The following CDH8 variants were observed in gnomAD, a reference collection of about 807,000 sequenced individuals.
CDH8 encodes cadherin 8, also known as cadherin-8.
CDH8 carries 17 observed loss-of-function variants against 68.1 expected under a neutral mutation model. The ratio of observed to expected loss-of-function variants is 0.25; its 90% CI spans 0.17 to 0.37. CDH8 has a LOEUF of 0.37. Ranked by LOEUF, CDH8 falls within the 10% of genes least tolerant of loss-of-function variation. The pLI is 1.00. For synonymous variants in CDH8, 372 were observed against 365.1 expected, an observed-to-expected ratio of 1.02 and a Z score of -0.21; for missense variants, 763 against 999.3, an observed-to-expected ratio of 0.76 and a Z score of 3.19.
At chr16:61,985,890 A>G (rs1166205071) in intron 2 of CDH8, among the ~76,000 whole-genome samples, 1 of 150,100 alleles carries the variant, frequency 6.7e-6, no homozygotes, top group African/African-American at 2.5e-5. Flanking sequence ...ATACATACAT[A>G]ATATCTGTAT....
At chr16:61,682,568 C>G (rs1964033013) in intron 10 of CDH8, among the ~76,000 whole-genome samples, 1 of 151,800 alleles carries the variant, frequency 6.6e-6, no homozygotes, top group African/African-American at 2.4e-5. Context: ...TATAGTATCT[C>G]CAATTAAATT....
chr16:61,835,872 G>C (rs115190464), intron 4 of CDH8, among the ~76,000 whole-genome samples: 1 of 151,980 alleles, frequency 6.6e-6, no homozygotes, highest in Non-Finnish European at 1.5e-5. Flanking sequence ...GAGAGAATGG[G>C]GCACTGGCCT....
intron 3 of CDH8, among the ~76,000 whole-genome samples, chr16:61,876,669 T>C (rs1963467020): frequency 6.6e-6 from 1 of 152,124 alleles, no homozygotes; most frequent in Non-Finnish European, 1.5e-5. Flanking sequence ...ATACTGACTA[T>C]ACAAAAGAAT....
At chr16:61,842,959 G>T (rs1962719891) in intron 4 of CDH8, among the ~76,000 whole-genome samples, 1 of 152,066 alleles carries the variant, frequency 6.6e-6, no homozygotes, top group Non-Finnish European at 1.5e-5. Flanking sequence ...GTGGAAAACA[G>T]CCCTTTGTCA....
intron 3 of CDH8, among the ~76,000 whole-genome samples, chr16:61,869,277 C>G (rs1416092453): frequency 1.3e-5 from 2 of 152,024 alleles, no homozygotes; most frequent in Non-Finnish European, 2.9e-5. Flanking sequence ...TCACAGCCTA[C>G]CAGGGAGAGG....
At chr16:61,919,789 C>A (rs1281405186) in intron 2 of CDH8, among the ~76,000 whole-genome samples, 1 of 151,972 alleles carries the variant, frequency 6.6e-6, no homozygotes, top group Non-Finnish European at 1.5e-5. Context: ...GGCAGGCCAA[C>A]GAACAAAGAA....
rs192218478 is a variant in CDH8, at chr16:61,928,742, C to A, written c.253-27269G>T. 1.1e-3 allele frequency among the ~76,000 whole-genome samples: 165 copies of A among 152,296 alleles called. 1 individual carries two copies. Among genetic ancestry groups the A allele is most frequent in the African/African-American group, 3.9e-3 (163 of 41,546 alleles). Reference sequence around the variant, plus strand: ...ATAGGTGCTGTTGTATAAGCCGTCTCATCAAAATATCCTTTGTCTGTCTAC... The same window carrying A: ...ATAGGTGCTGTTGTATAAGCCGTCTAATCAAAATATCCTTTGTCTGTCTAC... On this transcript the variant is annotated intron_variant, in intron 2 of 11. Coordinates refer to ENST00000577390, the MANE Select transcript of CDH8 (RefSeq NM_001796.5).
chr16:61,901,658 T>C (rs1250080926), intron 2 of CDH8, among the ~76,000 whole-genome samples, 185 bp from the exon 3 acceptor site: 1 of 152,238 alleles, frequency 6.6e-6, no homozygotes, highest in Non-Finnish European at 1.5e-5. Context: ...ATGAAATTCA[T>C]CTAAATAAGT....
At chr16:61,707,146 T>G (rs565829538) in intron 10 of CDH8, among the ~76,000 whole-genome samples, 14 of 152,262 alleles carry the variant, frequency 9.2e-5, no homozygotes, top group African/African-American at 2.4e-4. Context: ...CCCAAATACC[T>G]TATTTAGGTT....
At chr16:61,729,087 A>G (rs1330083791) in intron 8 of CDH8, among the ~76,000 whole-genome samples, 1 of 151,188 alleles carries the variant, frequency 6.6e-6, no homozygotes, top group Non-Finnish European at 1.5e-5. Flanking sequence ...ATTTCATTCA[A>G]TCTGCACAAA....
chr16:62,021,433 A>G lies in CDH8; in HGVS notation c.-30T>C. On this transcript the variant is annotated 5_prime_UTR_variant, in exon 2 of 12. Transcript: ENST00000577390. ...CCACCAGTTAAGCAAATCACCACGAAAATGAGACAATTATTTTTTTTGTCT... is the reference window on the plus strand; with the variant it reads ...CCACCAGTTAAGCAAATCACCACGAGAATGAGACAATTATTTTTTTTGTCT... 6.4e-7 allele frequency: 1 copy of G among 1,574,136 alleles called. No homozygotes were observed. Among genetic ancestry groups the G allele is most frequent in the East Asian group, 2.3e-5 (1 of 44,364 alleles).
intron 10 of CDH8, among the ~76,000 whole-genome samples, chr16:61,659,001 TA>T (rs1284902797): frequency 6.6e-6 from 1 of 152,188 alleles, no homozygotes; most frequent in Non-Finnish European, 1.5e-5. Context: ...GTTACCTTTT[TA>T]AAAATATATT....
At chr16:61,674,134 T>C (rs1322082610) in intron 10 of CDH8, among the ~76,000 whole-genome samples, 2 of 152,022 alleles carry the variant, frequency 1.3e-5, no homozygotes, top group African/African-American at 4.8e-5. Context: ...AGATACACCA[T>C]AAAAGTAGAG....
At chr16:61,984,815 T>A (rs1295978185) in intron 2 of CDH8, among the ~76,000 whole-genome samples, 1 of 152,214 alleles carries the variant, frequency 6.6e-6, no homozygotes, top group Non-Finnish European at 1.5e-5. Context: ...ATACTTTTTA[T>A]ACTTAAGGCA....
chr16:61,884,334 T>G (rs1486649717), intron 3 of CDH8, among the ~76,000 whole-genome samples: 1 of 151,888 alleles, frequency 6.6e-6, no homozygotes, highest in Non-Finnish European at 1.5e-5. Context: ...ATGGTCAACT[T>G]CCACGTGATG....
At chr16:61,947,169 T>TATTACTGTAGAC (rs1964815762) in intron 2 of CDH8, among the ~76,000 whole-genome samples, 1 of 151,820 alleles carries the variant, frequency 6.6e-6, no homozygotes, top group South Asian at 2.1e-4. Context: ...TATACATGAA[T>TATTACTGTAGAC]ATTATTTCTA....
At chr16:61,730,073 A>C (rs1959492342) in intron 8 of CDH8, among the ~76,000 whole-genome samples, 1 of 151,338 alleles carries the variant, frequency 6.6e-6, no homozygotes, top group Admixed American at 6.6e-5. Context: ...TCTTTTGGTT[A>C]AAAAATTGTC....
rs1963338180 is a variant in CDH8, at chr16:61,652,241, T to C, written c.*1367A>G. On this transcript the variant is annotated 3_prime_UTR_variant, in exon 12 of 12. Coordinates refer to ENST00000577390, the MANE Select transcript of CDH8 (RefSeq NM_001796.5). Reference sequence around the variant, plus strand: ...CTGTTCCTTTTTGGAGTCTAAGACATTCTGTGCATCACCATGAAGATCAGG... The same window carrying C: ...CTGTTCCTTTTTGGAGTCTAAGACACTCTGTGCATCACCATGAAGATCAGG... The C allele has an allele frequency of 1.0e-6, 1 of 984,352 alleles. No individual in the cohort carries two copies. The highest frequency in any genetic ancestry group is 1.7e-5 in the African/African-American group (1 of 57,220). 61.0% of individuals were successfully genotyped at this position (984,352 alleles called of 1,614,324 possible).
At chr16:61,669,392 C>T (rs1963746313) in intron 10 of CDH8, among the ~76,000 whole-genome samples, 1 of 152,030 alleles carries the variant, frequency 6.6e-6, no homozygotes, top group South Asian at 2.1e-4. Context: ...GTGTGTGTTG[C>T]TTTTCTGTTT....
Sources: gnomAD v4.1 joint callset for allele counts (sites outside exome capture counted in the v4.1 genomes callset) on GRCh38, gnomAD v4.1.1 for gene constraint, MANE v1.5 for transcripts, NCBI Gene and HGNC (gene_info 2026-07-23, HGNC 2026-07-21) for gene names.